ARHGAP10: variants seen among roughly 807,000 people sequenced by gnomAD.
The protein encoded by ARHGAP10 is Rho GTPase activating protein 10, also known as rho GTPase-activating protein 10.
Under a neutral mutation model 108.6 loss-of-function variants are expected in ARHGAP10, and 87 were observed. That is an observed-to-expected ratio of 0.80 (90% CI 0.67 to 0.96). The LOEUF is 0.96. ARHGAP10 is among the 40% of genes least tolerant of loss of function. The pLI is 0.00. For synonymous variants in ARHGAP10, 347 were observed against 341.1 expected, an observed-to-expected ratio of 1.02 and a Z score of -0.19; for missense variants, 939 against 954.5, an observed-to-expected ratio of 0.98 and a Z score of 0.21.
rs142337703 is a variant in ARHGAP10 at position 147,785,811 on chromosome 4, T to C, written c.155-36916T>C. On this transcript the variant is annotated intron_variant, in intron 1 of 22. Transcript: ENST00000336498. ...TACTCTGAGATTTTAATATAATAGA[T>C]TTCTAAATAATTATAAAGGCATAGC... is the stretch of plus-strand genomic sequence containing the variant. Among the ~76,000 whole-genome samples the C allele has an allele frequency of 3.0e-4, 45 of 152,296 alleles. 1 individual carries two copies. The highest frequency in any genetic ancestry group is 1.1e-3 in the African/African-American group (45 of 41,556).
intron 5 of ARHGAP10, among the ~76,000 whole-genome samples, chr4:147,860,258 C>T (rs12511313): frequency 0.75 from 114,272 of 152,024 alleles, 46,156 homozygotes; most frequent in Non-Finnish European, 0.89. Flanking sequence ...CTGGCTAACA[C>T]GGTGAAACCC....
chr4:147,954,500 T>A (rs1285729302), intron 15 of ARHGAP10, among the ~76,000 whole-genome samples: 2 of 151,660 alleles, frequency 1.3e-5, no homozygotes, highest in African/African-American at 4.9e-5. Context: ...AAAAATTTTG[T>A]TTGTGCATCT....
At chr4:147,749,964 T>G (rs1360353958) in intron 1 of ARHGAP10, among the ~76,000 whole-genome samples, 2 of 152,212 alleles carry the variant, frequency 1.3e-5, no homozygotes, top group Non-Finnish European at 2.9e-5. Context: ...AGTGTTTTGT[T>G]TGCAATAAGA....
At chr4:147,908,524 A>G (rs992928811) in intron 11 of ARHGAP10, among the ~76,000 whole-genome samples, 1 of 152,188 alleles carries the variant, frequency 6.6e-6, no homozygotes, top group Admixed American at 6.5e-5. Flanking sequence ...ATATTCAGCT[A>G]TGTATTTATA....
chr4:147,895,757 C>T (rs971241725), intron 10 of ARHGAP10, among the ~76,000 whole-genome samples: 2 of 151,664 alleles, frequency 1.3e-5, no homozygotes, highest in Non-Finnish European at 2.9e-5. Flanking sequence ...TACTTGCCTG[C>T]CTACACTGCC....
At chr4:147,739,009 C>T (rs1209932395) in intron 1 of ARHGAP10, among the ~76,000 whole-genome samples, 1 of 150,684 alleles carries the variant, frequency 6.6e-6, no homozygotes, top group Non-Finnish European at 1.5e-5. Context: ...ATGGTGAAAC[C>T]CCATCTCTAC....
At chr4:148,061,725 G>T (rs1284651380) in intron 20 of ARHGAP10, among the ~76,000 whole-genome samples, 1 of 151,862 alleles carries the variant, frequency 6.6e-6, no homozygotes, top group African/African-American at 2.4e-5. Context: ...ATCCACTTTT[G>T]GTTTTAGAGC....
intron 10 of ARHGAP10, among the ~76,000 whole-genome samples, chr4:147,900,974 A>C (rs1041616018): frequency 7.2e-5 from 11 of 152,112 alleles, no homozygotes; most frequent in Non-Finnish European, 1.3e-4. Context: ...ATACTTTGCA[A>C]AGTTTTCTGT....
At chr4:147,930,896 A>G (rs929615828) in intron 13 of ARHGAP10, among the ~76,000 whole-genome samples, 3 of 152,166 alleles carry the variant, frequency 2.0e-5, no homozygotes, top group African/African-American at 7.2e-5. Flanking sequence ...TTTTTTAACT[A>G]TCCCAGAACA....
At chr4:148,055,618 G>A (rs1729328668) in intron 20 of ARHGAP10, among the ~76,000 whole-genome samples, 1 of 152,210 alleles carries the variant, frequency 6.6e-6, no homozygotes, top group Non-Finnish European at 1.5e-5. Context: ...AACCTGGAAG[G>A]CGGAGGTTGC....
At chr4:148,034,417 A>G (rs1728283207) in intron 19 of ARHGAP10, among the ~76,000 whole-genome samples, 1 of 152,010 alleles carries the variant, frequency 6.6e-6, no homozygotes, top group Non-Finnish European at 1.5e-5. Context: ...TCCCAGGTTC[A>G]AGTGATTCTC....
intron 1 of ARHGAP10, among the ~76,000 whole-genome samples, chr4:147,797,258 T>G (rs1731353624): frequency 6.6e-6 from 1 of 152,108 alleles, no homozygotes; most frequent in Non-Finnish European, 1.5e-5. Flanking sequence ...CCATGACTCC[T>G]TATTACCCTC....
intron 12 of ARHGAP10, 76 bp from the exon 13 acceptor site, chr4:147,912,998 T>G: frequency 7.2e-7 from 1 of 1,386,818 alleles, no homozygotes; most frequent in Non-Finnish European, 1.0e-6. Flanking sequence ...TTTAAATAAT[T>G]TTTCCTATTT....
chr4:148,002,302 G>T (rs1352987196), intron 18 of ARHGAP10, among the ~76,000 whole-genome samples: 1 of 152,128 alleles, frequency 6.6e-6, no homozygotes, highest in Non-Finnish European at 1.5e-5. Flanking sequence ...ATGTGCTGCT[G>T]GATTCGGTTT....
At chr4:148,020,789 C>T (rs552119550) in intron 18 of ARHGAP10, among the ~76,000 whole-genome samples, 16 of 152,138 alleles carry the variant, frequency 1.1e-4, no homozygotes, top group Admixed American at 7.9e-4. Context: ...GAATGATTTG[C>T]GTTCCTTTGG....
At chr4:148,027,937 C>T (rs1203126661) in intron 19 of ARHGAP10, among the ~76,000 whole-genome samples, 2 of 151,970 alleles carry the variant, frequency 1.3e-5, no homozygotes, top group African/African-American at 4.8e-5. Flanking sequence ...TTTTATTATA[C>T]TAGATATGAA....
intron 1 of ARHGAP10, among the ~76,000 whole-genome samples, chr4:147,811,023 A>C (rs921498142): frequency 1.3e-5 from 2 of 152,090 alleles, no homozygotes; most frequent in Admixed American, 6.6e-5. Context: ...CTCAAGTCTA[A>C]CTCTTTCTTT....
intron 1 of ARHGAP10, among the ~76,000 whole-genome samples, chr4:147,756,829 T>A (rs896763381): frequency 1.3e-5 from 2 of 152,126 alleles, no homozygotes; most frequent in African/African-American, 4.8e-5. Context: ...ATGTATTGTC[T>A]TATTAGAATT....
intron 3 of ARHGAP10, among the ~76,000 whole-genome samples, chr4:147,836,306 G>A (rs1321749180): frequency 6.6e-6 from 1 of 152,116 alleles, no homozygotes; most frequent in African/African-American, 2.4e-5. Flanking sequence ...GAGACCAGAA[G>A]TTGTCAGAAT....
Sources: gnomAD v4.1 joint callset for allele counts (sites outside exome capture counted in the v4.1 genomes callset) on GRCh38, gnomAD v4.1.1 for gene constraint, MANE v1.5 for transcripts, NCBI Gene and HGNC (gene_info 2026-07-23, HGNC 2026-07-21) for gene names.